RNF19A: variants seen among roughly 807,000 people sequenced by gnomAD.
RNF19A encodes the protein ring finger protein 19A, RBR E3 ubiquitin protein ligase, also known as E3 ubiquitin-protein ligase RNF19A.
Under a neutral mutation model 75.7 loss-of-function variants are expected in RNF19A, and 32 were observed. That is an observed-to-expected ratio of 0.42 (90% confidence interval 0.32 to 0.57). The LOEUF (loss-of-function observed/expected upper bound fraction) is 0.57. Among genes scored for constraint, RNF19A ranks in the 20% least tolerant of loss-of-function variants. The pLI is 0.10. For synonymous variants in RNF19A, 335 were observed against 345.2 expected, an observed-to-expected ratio of 0.97 and a Z score of 0.33; for missense variants, 782 against 1,036.3, an observed-to-expected ratio of 0.75 and a Z score of 3.37.
At chr8:100,309,604 C>T in intron 1 of RNF19A, 2 of 956,972 alleles carry the variant, frequency 2.1e-6, no homozygotes, top group Non-Finnish European at 1.2e-6. Flanking sequence ...TCCACCTCGG[C>T]CCCCGCGGCC....
chr8:100,296,147 T>C (rs1440025637), intron 1 of RNF19A, among the ~76,000 whole-genome samples: 1 of 150,362 alleles, frequency 6.7e-6, no homozygotes, highest in East Asian at 2.0e-4. Context: ...AATCTGTTGC[T>C]AGGCTAGAGT....
intron 5 of RNF19A, 68 bp downstream of exon 5, chr8:100,268,713 TCATC>T: frequency 1.7e-6 from 1 of 594,394 alleles, no homozygotes; most frequent in Non-Finnish European, 2.5e-6. Flanking sequence ...AACCCAAAAA[TCATC>T]AATACTAAAA....
At chr8:100,288,315 AG>A (rs1821129092) in intron 1 of RNF19A, 48 bp from the exon 2 acceptor site, 1 of 1,133,648 alleles carries the variant, frequency 8.8e-7, no homozygotes, top group Non-Finnish European at 1.2e-6. Flanking sequence ...TTGTATTCTT[AG>A]TTTGTATATT....
intron 3 of RNF19A, among the ~76,000 whole-genome samples, chr8:100,270,613 T>C (rs1422179137): frequency 2.0e-5 from 3 of 152,074 alleles, no homozygotes; most frequent in African/African-American, 4.8e-5. Flanking sequence ...AAAAGAGAGA[T>C]GGACCTTGCA....
chr8:100,320,433 A>G (rs1485819152), intron 1 of RNF19A, among the ~76,000 whole-genome samples: 7 of 152,234 alleles, frequency 4.6e-5, no homozygotes, highest in Admixed American at 4.6e-4. Flanking sequence ...TCTCTAGGTT[A>G]TATGCCTAGA....
rs551716567 is a variant in RNF19A at position 100,326,813 on chromosome 8, A to G, written c.-243+9295T>C. On this transcript the variant is annotated intron_variant, in intron 1 of 3. Coordinates refer to the RNF19A transcript ENST00000519527. Reference sequence around the variant, plus strand: ...CAGTCTGTATCAAACACAAAACTGTATTTGACTCTCTTTGATGAAAGAAGT... The same window carrying G: ...CAGTCTGTATCAAACACAAAACTGTGTTTGACTCTCTTTGATGAAAGAAGT... Among the ~76,000 whole-genome samples, 6 of 152,360 alleles carry G rather than the reference A, an allele frequency of 3.9e-5. No individual in the cohort carries two copies. The East Asian group carries it at 9.6e-4, about 24-fold the overall frequency.
At chr8:100,281,966 T>C (rs1318208639) in intron 2 of RNF19A, among the ~76,000 whole-genome samples, 1 of 152,214 alleles carries the variant, frequency 6.6e-6, no homozygotes, top group Non-Finnish European at 1.5e-5. Flanking sequence ...TTCCCTTTTT[T>C]AGGATTTGCA....
In RNF19A at chr8:100,261,303, G is replaced by A. The variant is rs936108093; in HGVS notation, c.1682+239C>T. ...AGTAGAGATGGGGTTTCGCCATGTT[G>A]CCCAGGCTGGTCTCGAACTCCTGAG... On this transcript the variant is annotated intron_variant, in intron 8 of 9. Transcript: ENST00000341084. The surrounding 1 kb of genome is among the most constrained non-coding windows in gnomAD (Gnocchi z 4.4). Among the ~76,000 whole-genome samples the A allele has an allele frequency of 9.9e-5, 15 of 151,946 alleles. No individual in the cohort carries two copies. Among genetic ancestry groups the A allele is most frequent in the Non-Finnish European group, 1.8e-4 (12 of 67,998 alleles).
chr8:100,326,131 T>G (rs533284661), intron 1 of RNF19A, among the ~76,000 whole-genome samples: 3 of 152,268 alleles, frequency 2.0e-5, no homozygotes, highest in African/African-American at 7.2e-5. Flanking sequence ...TTGACCTCAT[T>G]TCCAGCCTGG....
At chr8:100,309,586 T>C (rs1822214740) in intron 1 of RNF19A, 2 of 967,686 alleles carry the variant, frequency 2.1e-6, no homozygotes, top group Non-Finnish European at 1.2e-6. Flanking sequence ...TTGGGGCGGA[T>C]CCCACGCTCC....
chr8:100,296,384 C>T (rs1271421983), intron 1 of RNF19A, among the ~76,000 whole-genome samples: 2 of 152,206 alleles, frequency 1.3e-5, no homozygotes, highest in African/African-American at 2.4e-5. Flanking sequence ...GGATTACAGG[C>T]GTAAGCCACC....
In RNF19A at chr8:100,258,538, T is replaced by C. The variant is rs1159544389; in HGVS notation, c.*18A>G. ...AACACGGTTGTACAGTGGTAATTATTCTGCAGCATTTATGGGCCTAAATTT... is the reference window on the plus strand; with the variant it reads ...AACACGGTTGTACAGTGGTAATTATCCTGCAGCATTTATGGGCCTAAATTT... On this transcript the variant is annotated 3_prime_UTR_variant, in exon 10 of 10. Transcript: ENST00000341084. The surrounding 1 kb of genome is among the most constrained non-coding windows in gnomAD (Gnocchi z 4.3). 1 of 1,579,298 alleles carries C rather than the reference T, an allele frequency of 6.3e-7. No homozygotes were observed. The highest frequency in any genetic ancestry group is 1.2e-5 in the South Asian group (1 of 85,172).
Position 100,317,167 on chromosome 8 carries a change from C to T in RNF19A, c.-242-3795G>A, listed in dbSNP as rs1046252252. ...GCCCGGGTTCCCGCTCGCGCCTCTC[C>T]CTCCGCACCTCCCTGCAAGCTGAGG... is the stretch of plus-strand genomic sequence containing the variant. On this transcript the variant is annotated intron_variant, in intron 1 of 3. Coordinates refer to the RNF19A transcript ENST00000519527. This position sits in a 1 kb window ranked among gnomAD's most constrained non-coding sequence, Gnocchi z 4.3. Among the ~76,000 whole-genome samples the T allele has an allele frequency of 2.1e-4, 32 of 152,268 alleles. No homozygotes were observed. The highest frequency in any genetic ancestry group is 4.1e-4 in the Non-Finnish European group (28 of 68,056).
intron 1 of RNF19A, among the ~76,000 whole-genome samples, chr8:100,293,235 T>C (rs543660021): frequency 6.6e-6 from 1 of 152,358 alleles, no homozygotes; most frequent in Admixed American, 6.5e-5. Context: ...TTTCATCTGG[T>C]GTCATGTATC....
intron 1 of RNF19A, among the ~76,000 whole-genome samples, chr8:100,298,209 A>AC (rs970352465): frequency 1.3e-5 from 2 of 151,960 alleles, no homozygotes; most frequent in African/African-American, 4.8e-5. Flanking sequence ...AAAAAAAAAA[A>AC]AAACACTTAT....
upstream of RNF19A, among the ~76,000 whole-genome samples, chr8:100,310,837 C>T (rs1372106445): frequency 1.3e-5 from 2 of 151,902 alleles, no homozygotes; most frequent in Non-Finnish European, 2.9e-5. Context: ...TACTTTAATC[C>T]AGCTTTATTT....
upstream of RNF19A, among the ~76,000 whole-genome samples, chr8:100,311,737 AAAG>A (rs1258829243): frequency 0.021 from 3,016 of 143,802 alleles, 120 homozygotes; most frequent in African/African-American, 0.078. Context: ...AAAAAAAAAA[AAAG>A]AAAAGAAAAT....
chr8:100,304,404 T>C (rs540061095), intron 1 of RNF19A, among the ~76,000 whole-genome samples: 6 of 152,344 alleles, frequency 3.9e-5, no homozygotes, highest in African/African-American at 1.4e-4. Flanking sequence ...CATTGTACTA[T>C]ATACATCATA....
chr8:100,293,130 C>T (rs1821386558), intron 1 of RNF19A, among the ~76,000 whole-genome samples: 1 of 152,204 alleles, frequency 6.6e-6, no homozygotes, highest in Non-Finnish European at 1.5e-5. Context: ...GGCAATAATG[C>T]TCACGGCTGC....
Sources: gnomAD v4.1 joint callset for allele counts (sites outside exome capture counted in the v4.1 genomes callset) on GRCh38, gnomAD v4.1.1 for gene constraint, Gnocchi (gnomAD v3.1) non-coding constraint, MANE v1.5 for transcripts, NCBI Gene and HGNC (gene_info 2026-07-23, HGNC 2026-07-21) for gene names.